Variants in MMP26 observed in about 807,000 individuals in gnomAD.
MMP26 encodes the protein matrix metallopeptidase 26, also known as matrix metalloproteinase-26.
Under a neutral mutation model 31.0 loss-of-function variants are expected in MMP26, and 33 were observed. The observed-to-expected ratio is 1.06, with a 90% confidence interval of 0.81 to 1.42. The LOEUF is 1.42. Ranked by LOEUF, MMP26 falls within the 40% of genes most tolerant of loss-of-function variation. The probability of loss-of-function intolerance (pLI) is 0.00; values close to 1 mark genes in which losing one functional copy is unlikely to be tolerated. For missense variants in MMP26, 347 were observed against 316.1 expected (o/e 1.10, Z -0.74); for synonymous variants, 122 against 114.9 (o/e 1.06, Z -0.40).
intron 2 of MMP26, among the ~76,000 whole-genome samples, chr11:4,852,408 A>G (rs1035257474): frequency 1.3e-5 from 2 of 152,188 alleles, no homozygotes; most frequent in Admixed American, 1.3e-4. Flanking sequence ...TCAAGCACAT[A>G]TAGAATTTTC....
chr11:4,845,130 A>G (rs1420178109), intron 2 of MMP26, among the ~76,000 whole-genome samples: 1 of 152,172 alleles, frequency 6.6e-6, no homozygotes, highest in Non-Finnish European at 1.5e-5. Flanking sequence ...AAAAAGAAAA[A>G]GAAATTAAAA....
At chr11:4,796,480 T>C (rs895794544) in intron 2 of MMP26, among the ~76,000 whole-genome samples, 2 of 152,246 alleles carry the variant, frequency 1.3e-5, no homozygotes, top group African/African-American at 4.8e-5. Context: ...GGTTAGAGTC[T>C]GTCTTCACCA....
rs201245175 is a variant in MMP26, at chr11:4,992,089, A to G, written c.721A>G (p.Ser241Gly). 6 of 1,613,654 alleles carry G rather than the reference A, an allele frequency of 3.7e-6. No individual in the cohort carries two copies. The highest frequency in any genetic ancestry group is 4.2e-6 in the Non-Finnish European group (5 of 1,179,902). ...TCACGACCCTAGAACCTTCCAGCTCAGTGCCGATGATATCCAAAGGATCCA... is the reference window on the plus strand; with the variant it reads ...TCACGACCCTAGAACCTTCCAGCTCGGTGCCGATGATATCCAAAGGATCCA... ...WYHDPRTFQLSADDIQRIQHL... is the reference protein window; with the variant it reads ...WYHDPRTFQLGADDIQRIQHL... The change falls in exon 7 of 8, where the codon AGT (serine) becomes GGT (glycine). Residue 241 changes from serine to glycine, a missense_variant. By Grantham distance (56) the Ser-to-Gly change is moderately conservative. Transcript: ENST00000380390.
At chr11:4,733,152 A>T (rs1028410408) in intron 1 of MMP26, among the ~76,000 whole-genome samples, 1 of 152,194 alleles carries the variant, frequency 6.6e-6, no homozygotes. Flanking sequence ...TTAAAATTCC[A>T]TATGTATTTT....
chr11:4,879,088 G>A (rs1850423403), intron 2 of MMP26, among the ~76,000 whole-genome samples: 1 of 152,016 alleles, frequency 6.6e-6, no homozygotes, highest in African/African-American at 2.4e-5. Context: ...ACAAAAATTA[G>A]CCAGGCATGG....
intron 1 of MMP26, among the ~76,000 whole-genome samples, chr11:4,759,458 A>AT (rs1848546428): frequency 6.6e-6 from 1 of 152,276 alleles, no homozygotes; most frequent in Non-Finnish European, 1.5e-5. Context: ...GTCCATATAT[A>AT]TAAATTATTC....
chr11:4,759,217 C>T (rs1328349154), intron 1 of MMP26, among the ~76,000 whole-genome samples: 1 of 151,202 alleles, frequency 6.6e-6, no homozygotes, highest in Non-Finnish European at 1.5e-5. Flanking sequence ...TTCAGTCTCA[C>T]AGTCAGCCAA....
intron 2 of MMP26, among the ~76,000 whole-genome samples, chr11:4,897,815 AATT>A (rs1850733329): frequency 6.6e-6 from 1 of 151,590 alleles, no homozygotes; most frequent in Admixed American, 6.6e-5. Flanking sequence ...TCCTGTATGT[AATT>A]ATTAAGTACA....
intron 2 of MMP26, chr11:4,849,133 G>C (rs761813182): frequency 1.2e-6 from 2 of 1,614,072 alleles, no homozygotes; most frequent in Non-Finnish European, 1.7e-6. Flanking sequence ...GATAGGCCTG[G>C]CATGCCCACC....
intron 2 of MMP26, among the ~76,000 whole-genome samples, chr11:4,838,315 TAAAAAAAAA>T (rs540572047): frequency 4.3e-3 from 119 of 27,404 alleles, no homozygotes; most frequent in African/African-American, 8.6e-3. Context: ...AGACTCTGTC[TAAAAAAAAA>T]AAAAAAAAAA....
At chr11:4,957,606 C>T (rs1846461599) in intron 2 of MMP26, among the ~76,000 whole-genome samples, 1 of 152,110 alleles carries the variant, frequency 6.6e-6, no homozygotes, top group Non-Finnish European at 1.5e-5. Flanking sequence ...CTTACACTCC[C>T]ACACCTTATG....
intron 2 of MMP26, among the ~76,000 whole-genome samples, chr11:4,849,806 C>T (rs2412395): frequency 0.11 from 16,162 of 151,948 alleles, 964 homozygotes; most frequent in Middle Eastern, 0.18. Flanking sequence ...TTTTACTTAA[C>T]TTTGCTGTGT....
chr11:4,748,133 G>T (rs1411497722), intron 1 of MMP26, among the ~76,000 whole-genome samples: 1 of 151,930 alleles, frequency 6.6e-6, no homozygotes, highest in East Asian at 1.9e-4. Context: ...TGATATCATA[G>T]AAATACAAAA....
chr11:4,856,517 G>T (rs1290411565), intron 2 of MMP26, among the ~76,000 whole-genome samples: 2 of 152,156 alleles, frequency 1.3e-5, no homozygotes, highest in Non-Finnish European at 2.9e-5. Flanking sequence ...AACAAGAAGA[G>T]CTAACTGTCC....
intron 2 of MMP26, among the ~76,000 whole-genome samples, chr11:4,827,185 C>G (rs1849588306): frequency 6.6e-6 from 1 of 152,132 alleles, no homozygotes; most frequent in Admixed American, 6.5e-5. Context: ...TGCGGTGATG[C>G]ACTAGAAGCA....
intron 2 of MMP26, chr11:4,946,389 C>A (rs753304813): frequency 3.1e-6 from 5 of 1,613,312 alleles, no homozygotes; most frequent in African/African-American, 2.7e-5. Context: ...GTATTGAGAG[C>A]CTTAAGCTGC....
At position 4,946,449 on chromosome 11, in the gene MMP26, A is replaced by T. The variant is rs540635510; in HGVS notation, c.-144-41619A>T. 194 of 1,609,308 alleles carry T rather than the reference A, an allele frequency of 1.2e-4. 1 individual carries two copies. Among genetic ancestry groups the T allele is most frequent in the Non-Finnish European group, 1.5e-4 (178 of 1,176,364 alleles). The stretch of plus-strand genomic sequence containing the variant: ...ACAGTCTTGAGGATCAGGGTGTAAG[A>T]CACAGCAATGAGAATAAAGTCTACC... On this transcript the variant is annotated intron_variant, in intron 2 of 7. Coordinates refer to ENST00000380390, the MANE Select transcript of MMP26 (RefSeq NM_021801.5).
chr11:4,966,641 G>T (rs1385501592), intron 2 of MMP26, among the ~76,000 whole-genome samples: 2 of 151,994 alleles, frequency 1.3e-5, no homozygotes, highest in Non-Finnish European at 2.9e-5. Flanking sequence ...AAGGAAATAA[G>T]AGAGATTCTT....
rs111490493 is a variant in MMP26, at chr11:4,776,822, T to C, written c.-145+9481T>C. ...TAAGTTTCCCGAGTCTTCCCAGTCATATTTCCTGTTAATCCTGTGGAACTG... is the reference window on the plus strand; with the variant it reads ...TAAGTTTCCCGAGTCTTCCCAGTCACATTTCCTGTTAATCCTGTGGAACTG... On this transcript the variant is annotated intron_variant, in intron 2 of 7. Transcript: ENST00000380390. 2.3e-3 allele frequency among the ~76,000 whole-genome samples: 349 copies of C among 152,290 alleles called. 1 individual carries two copies. The highest frequency in any genetic ancestry group is 7.8e-3 in the African/African-American group (325 of 41,570).
Sources: gnomAD v4.1 joint callset for allele counts (sites outside exome capture counted in the v4.1 genomes callset) on GRCh38, gnomAD v4.1.1 for gene constraint, MANE v1.5 for transcripts, NCBI Gene and HGNC (gene_info 2026-07-23, HGNC 2026-07-21) for gene names.